GABRB1: variants seen among roughly 807,000 people sequenced by gnomAD.
The protein encoded by GABRB1 is gamma-aminobutyric acid type A receptor subunit beta1.
A neutral mutation model predicts 51.6 loss-of-function variants in GABRB1; 17 were observed. The observed-to-expected ratio is 0.33, with a 90% CI of 0.23 to 0.49. GABRB1 has a LOEUF of 0.49. Ranked by LOEUF, GABRB1 falls within the 20% of genes least tolerant of loss-of-function variation. The pLI is 0.99. For synonymous variants in GABRB1, 247 were observed against 218.9 expected (o/e 1.13, Z -1.14); for missense variants, 410 against 600.6 (o/e 0.68, Z 3.32).
chr4:47,060,453 G>T (rs1364229796), intron 3 of GABRB1, among the ~76,000 whole-genome samples: 1 of 152,014 alleles, frequency 6.6e-6, no homozygotes, highest in Non-Finnish European at 1.5e-5. Flanking sequence ...AAACATTTCT[G>T]TACTTGCATT....
chr4:47,301,316 G>T (rs1724250246), intron 4 of GABRB1, among the ~76,000 whole-genome samples: 1 of 152,134 alleles, frequency 6.6e-6, no homozygotes, highest in Admixed American at 6.6e-5. Flanking sequence ...ATAAATTCAT[G>T]TAAAAGTATA....
chr4:47,202,554 A>G (rs903290370), intron 4 of GABRB1, among the ~76,000 whole-genome samples: 4 of 152,206 alleles, frequency 2.6e-5, no homozygotes, highest in African/African-American at 9.6e-5. Context: ...GTTTTACAGT[A>G]TATAATCTCT....
intron 8 of GABRB1, among the ~76,000 whole-genome samples, chr4:47,407,608 C>A (rs1313922289): frequency 1.3e-5 from 2 of 152,148 alleles, no homozygotes; most frequent in Admixed American, 6.5e-5. Context: ...TAAGTACATT[C>A]AAATGTGTAT....
chr4:47,349,404 CAG>C (rs1343445078), intron 5 of GABRB1, among the ~76,000 whole-genome samples: 47 of 152,168 alleles, frequency 3.1e-4, no homozygotes, highest in Non-Finnish European at 5.1e-4. Flanking sequence ...AAAGAAAGGA[CAG>C]TAGTACCTCC....
intron 3 of GABRB1, 100 bp from the exon 4 acceptor site, chr4:47,161,149 T>A (rs566688365): frequency 1.2e-6 from 1 of 811,712 alleles, no homozygotes; most frequent in Admixed American, 2.6e-5. Context: ...TTTTAATATA[T>A]TCAAATGTAA....
At chr4:47,240,244 C>A (rs1399782925) in intron 4 of GABRB1, among the ~76,000 whole-genome samples, 1 of 152,078 alleles carries the variant, frequency 6.6e-6, no homozygotes, top group Non-Finnish European at 1.5e-5. Flanking sequence ...GAAGAAGGAG[C>A]AAGGGAATAA....
At chr4:47,301,842 AT>A (rs1385751719) in intron 4 of GABRB1, among the ~76,000 whole-genome samples, 41 of 152,164 alleles carry the variant, frequency 2.7e-4, no homozygotes, top group African/African-American at 9.7e-4. Flanking sequence ...TACAACTGCA[AT>A]TCTACAGGTA....
intron 3 of GABRB1, among the ~76,000 whole-genome samples, chr4:47,048,458 C>T (rs1402981699): frequency 6.6e-6 from 1 of 152,146 alleles, no homozygotes; most frequent in East Asian, 1.9e-4. Context: ...ACACCTCATA[C>T]TGTGCTGGAT....
intron 4 of GABRB1, among the ~76,000 whole-genome samples, chr4:47,206,244 G>A (rs369252078): frequency 1.3e-4 from 20 of 152,038 alleles, no homozygotes; most frequent in African/African-American, 4.3e-4. Context: ...TTGTTGCTAC[G>A]TTTTTATTCT....
intron 3 of GABRB1, among the ~76,000 whole-genome samples, chr4:47,091,366 G>GA (rs1464337122): frequency 6.6e-6 from 1 of 151,732 alleles, no homozygotes; most frequent in Non-Finnish European, 1.5e-5. Flanking sequence ...TTTCCAAAAT[G>GA]AAAAAACAAA....
intron 1 of GABRB1, among the ~76,000 whole-genome samples, chr4:47,007,676 T>C (rs1724448253): frequency 6.6e-6 from 1 of 151,986 alleles, no homozygotes; most frequent in Admixed American, 6.6e-5. Flanking sequence ...AAGAATGTTC[T>C]CTGACCATTG....
At chr4:47,371,384 G>A (rs905870358) in intron 5 of GABRB1, among the ~76,000 whole-genome samples, 2 of 152,082 alleles carry the variant, frequency 1.3e-5, no homozygotes, top group Admixed American at 6.5e-5. Flanking sequence ...TATGAATAGT[G>A]CTGCAATCAA....
chr4:47,208,091 T>C (rs536071020), intron 4 of GABRB1, among the ~76,000 whole-genome samples: 4 of 152,190 alleles, frequency 2.6e-5, no homozygotes, highest in Admixed American at 1.3e-4. Flanking sequence ...CAAGTATCTA[T>C]TGACAGATAA....
intron 3 of GABRB1, among the ~76,000 whole-genome samples, chr4:47,056,511 GT>G (rs1560514414): frequency 6.6e-6 from 1 of 152,054 alleles, no homozygotes; most frequent in Admixed American, 6.6e-5. Flanking sequence ...CTAGGCAATC[GT>G]TTTTTTCTCT....
intron 2 of GABRB1, 123 bp downstream of exon 2, chr4:47,032,128 G>GCACA (rs72109821): frequency 0.088 from 50,344 of 575,190 alleles, 1,675 homozygotes; most frequent in African/African-American, 0.19. Context: ...TATACCCTGG[G>GCACA]CACACACACA....
intron 3 of GABRB1, among the ~76,000 whole-genome samples, chr4:47,105,975 A>C (rs544530687): frequency 1.3e-5 from 2 of 152,244 alleles, no homozygotes; most frequent in South Asian, 4.1e-4. Context: ...ATAGGTAAGC[A>C]AGTATTCACA....
Position 47,292,676 on chromosome 4 carries a change from T to A in GABRB1, c.462-27451T>A, listed in dbSNP as rs137978012. Among the ~76,000 whole-genome samples the A allele has an allele frequency of 2.4e-4, 36 of 152,300 alleles. 1 individual carries two copies. Among genetic ancestry groups the A allele is most frequent in the African/African-American group, 8.7e-4 (36 of 41,560 alleles). ...AAGAGACTATTGCAGACTGGGTAAT[T>A]TATTGTGAACAGAAATTTATTGACT... On this transcript the variant is annotated intron_variant, in intron 4 of 8. Transcript: ENST00000295454.
At chr4:46,999,390 T>C (rs1224644883) in intron 1 of GABRB1, among the ~76,000 whole-genome samples, 1 of 152,194 alleles carries the variant, frequency 6.6e-6, no homozygotes, top group Admixed American at 6.5e-5. Flanking sequence ...ATTTAAATTT[T>C]ATAGCTCCAA....
At chr4:47,027,134 T>G (rs1725125495), upstream of GABRB1, among the ~76,000 whole-genome samples, 1 of 151,590 alleles carries the variant, frequency 6.6e-6, no homozygotes, top group African/African-American at 2.4e-5. Flanking sequence ...AGTAATGGCT[T>G]AGAACATCTC....
Sources: allele counts gnomAD v4.1 joint callset (sites outside exome capture counted in the v4.1 genomes callset), GRCh38; gene constraint gnomAD v4.1.1; transcripts MANE v1.5; gene names NCBI Gene and HGNC (gene_info 2026-07-23, HGNC 2026-07-21).